The following CDC25C variants were observed in gnomAD, a reference collection of about 807,000 sequenced individuals.
CDC25C encodes cell division cycle 25C, also known as M-phase inducer phosphatase 3.
CDC25C carries 48 observed loss-of-function variants against 52.5 expected under a neutral mutation model. That is an observed-to-expected ratio of 0.91 (90% CI 0.72 to 1.16). The LOEUF is 1.16. CDC25C is among the 50% of genes most tolerant of loss of function. The pLI is 0.00. For missense variants in CDC25C, 510 were observed against 566.1 expected, an observed-to-expected ratio of 0.90 and a Z score of 1.01; for synonymous variants, 187 against 206.5, an observed-to-expected ratio of 0.91 and a Z score of 0.81.
chr5:138,289,628 C>G, intron 9 of CDC25C, 65 bp from the exon 10 acceptor site: 1 of 1,327,116 alleles, frequency 7.5e-7, no homozygotes, highest in Non-Finnish European at 1.1e-6. Context: ...ATCAAAGACC[C>G]TTATTTTGTC....
intron 2 of CDC25C, 75 bp from the exon 3 acceptor site, chr5:138,329,722 T>A: frequency 2.9e-5 from 16 of 557,720 alleles, no homozygotes; most frequent in Non-Finnish European, 4.6e-5. Context: ...CATGTCATCC[T>A]CTTCTTTTTT....
At chr5:138,289,396 A>T (rs1756524111) in intron 10 of CDC25C, 105 bp downstream of exon 10, 1 of 802,658 alleles carries the variant, frequency 1.2e-6, no homozygotes, top group East Asian at 2.5e-5. Context: ...AGCCTGTGTG[A>T]GTGAACACAG....
At chr5:138,291,825 GAC>G in intron 8 of CDC25C, 143 bp downstream of exon 8, 1 of 448,670 alleles carries the variant, frequency 2.2e-6, no homozygotes, top group East Asian at 3.7e-5. Context: ...ATGTAGAAAA[GAC>G]AGAAAGATGG....
Position 138,286,152 on chromosome 5 carries a change from G to A in CDC25C, c.1161-19C>T. 1.3e-6 allele frequency: 2 copies of A among 1,571,830 alleles called. No homozygotes were observed. Among genetic ancestry groups the A allele is most frequent in the East Asian group, 4.5e-5 (2 of 44,700 alleles). The stretch of plus-strand genomic sequence containing the variant: ...GCGGCACCTTTAGAGAGAACCCAGA[G>A]ATGGGTGGGGTGGAAAGAAACAAGG... On this transcript the variant is annotated intron_variant, in intron 12 of 13. Coordinates refer to ENST00000323760, the MANE Select transcript of CDC25C (RefSeq NM_001790.5).
rs138202797 is a variant in CDC25C at position 138,330,989 on chromosome 5, A to G, written c.192T>C (p.Ser64=). The change falls in exon 2 of 14, where the codon TCT becomes TCC. Residue 64 remains serine (S), a splice_region_variant and synonymous_variant. Coordinates refer to ENST00000323760, the MANE Select transcript of CDC25C (RefSeq NM_001790.5). ...LGDSANLSIL[S]GGTPKRCLDL... is the part of the protein sequence containing the mutation. ...TGTAAAAATAAAAGTATATTTACCC[A>G]GACAAAATGCTTAGGTTTGCAGAAT... 5 of 1,600,898 alleles carry G rather than the reference A, an allele frequency of 3.1e-6. No homozygotes were observed. The African/African-American group carries it at 6.7e-5, about 21-fold the overall frequency.
chr5:138,298,072 C>T (rs1757346252), intron 7 of CDC25C, among the ~76,000 whole-genome samples: 1 of 151,428 alleles, frequency 6.6e-6, no homozygotes, highest in African/African-American at 2.4e-5. Flanking sequence ...GATCACAGCT[C>T]ACTGCAATCT....
At chr5:138,305,016 A>G (rs868530465) in intron 7 of CDC25C, among the ~76,000 whole-genome samples, 4 of 152,112 alleles carry the variant, frequency 2.6e-5, no homozygotes, top group South Asian at 2.1e-4. Flanking sequence ...CAGCTCACAT[A>G]ACACTCCTCT....
intron 7 of CDC25C, among the ~76,000 whole-genome samples, chr5:138,313,729 C>T (rs1758630038): frequency 6.6e-6 from 1 of 152,184 alleles, no homozygotes; most frequent in African/African-American, 2.4e-5. Flanking sequence ...TCCATTTTCT[C>T]CTCTATACAG....
At chr5:138,301,634 T>C (rs983394688) in intron 7 of CDC25C, among the ~76,000 whole-genome samples, 2 of 144,408 alleles carry the variant, frequency 1.4e-5, no homozygotes, top group Non-Finnish European at 3.0e-5. Context: ...ACCAAAACAT[T>C]AACATGAAAA....
chr5:138,322,790 A>AT (rs1052007343), intron 6 of CDC25C, among the ~76,000 whole-genome samples: 39 of 145,864 alleles, frequency 2.7e-4, no homozygotes, highest in Admixed American at 6.9e-4. Flanking sequence ...TAATTTTCAT[A>AT]TTTTTTTTTC....
chr5:138,311,738 A>C (rs1758469762), intron 7 of CDC25C, among the ~76,000 whole-genome samples: 1 of 152,198 alleles, frequency 6.6e-6, no homozygotes, highest in Non-Finnish European at 1.5e-5. Context: ...TTTTGCAACA[A>C]AGGGCACAAT....
chr5:138,306,544 C>T (rs1391084622), intron 7 of CDC25C, among the ~76,000 whole-genome samples: 3 of 152,008 alleles, frequency 2.0e-5, no homozygotes, highest in African/African-American at 4.8e-5. Flanking sequence ...GGCGCAATCT[C>T]GGCTCCCTGC....
intron 10 of CDC25C, among the ~76,000 whole-genome samples, chr5:138,288,099 G>A (rs1308981991): frequency 1.3e-5 from 2 of 151,798 alleles, no homozygotes; most frequent in African/African-American, 2.4e-5. Context: ...TTTTGAGATG[G>A]AATTTCGCCC....
chr5:138,337,735 C>T (rs1418071158), intron 1 of CDC25C: 2 of 344,266 alleles, frequency 5.8e-6, no homozygotes, highest in Admixed American at 4.2e-5. Context: ...TCCGAGCAGG[C>T]CCTAATCCGC....
chr5:138,307,163 T>G (rs1419026542), intron 7 of CDC25C, among the ~76,000 whole-genome samples: 1 of 151,714 alleles, frequency 6.6e-6, no homozygotes, highest in Admixed American at 6.6e-5. Flanking sequence ...TTTTGTAACC[T>G]AAAACCTACT....
chr5:138,332,461 C>T (rs1157483501), upstream of CDC25C, among the ~76,000 whole-genome samples: 1 of 152,108 alleles, frequency 6.6e-6, no homozygotes, highest in Non-Finnish European at 1.5e-5. Flanking sequence ...AAAGAAATTC[C>T]GTTGCAGGGA....
chr5:138,292,976 A>AG (rs1201481613), intron 7 of CDC25C, among the ~76,000 whole-genome samples: 1 of 152,196 alleles, frequency 6.6e-6, no homozygotes, highest in African/African-American at 2.4e-5. Context: ...CTGATTTAGG[A>AG]GGGGGGCTAT....
chr5:138,338,309 T>G, exon 1 of CDC25C: 12 of 548,652 alleles, frequency 2.2e-5, no homozygotes, highest in Non-Finnish European at 2.8e-5. Context: ...GGAACCGCGG[T>G]AGGTGGTGGA....
intron 6 of CDC25C, among the ~76,000 whole-genome samples, chr5:138,319,864 A>G (rs1206910640): frequency 1.3e-5 from 2 of 152,344 alleles, no homozygotes; most frequent in East Asian, 1.9e-4. Context: ...AGCCATTATA[A>G]GAAATAACAA....
Sources: allele counts gnomAD v4.1 joint callset (sites outside exome capture counted in the v4.1 genomes callset), GRCh38; gene constraint gnomAD v4.1.1; transcripts MANE v1.5; gene names NCBI Gene and HGNC (gene_info 2026-07-23, HGNC 2026-07-21).